The following XKRX variants were observed in gnomAD, a reference collection of about 807,000 sequenced individuals.
The protein encoded by XKRX is XK related X-linked.
In XKRX, 11 loss-of-function variants were observed where a neutral mutation model predicts 22.4. That is an observed-to-expected ratio of 0.49 (90% CI 0.31 to 0.81). The LOEUF (loss-of-function observed/expected upper bound fraction) is 0.81, where lower values mean the gene tolerates loss of function less well. Among genes scored for constraint, XKRX ranks in the 40% least tolerant of loss-of-function variants. The probability of loss-of-function intolerance (pLI) is 0.05; values close to 1 mark genes in which losing one functional copy is unlikely to be tolerated. For synonymous variants in XKRX, 114 were observed against 132.2 expected (o/e 0.86, Z 0.94); for missense variants, 320 against 336.5 (o/e 0.95, Z 0.38).
intron 2 of XKRX, among the ~76,000 whole-genome samples, chrX:100,920,927 A>AT (rs1209197625): frequency 9.3e-6 from 1 of 107,357 alleles, no homozygotes; most frequent in Non-Finnish European, 1.9e-5. Flanking sequence ...GCCTGGCTGA[A>AT]TTTTTTTTTG....
At chrX:100,942,829 T>C in the XKRX span, among the ~76,000 whole-genome samples, 1 of 111,259 alleles carries the variant, frequency 9.0e-6, no homozygotes, top group African/African-American at 3.3e-5. Flanking sequence ...ACTGATACCC[T>C]TAATCAGGTG....
downstream of XKRX, among the ~76,000 whole-genome samples, chrX:100,912,474 GCTA>G (rs779185667): frequency 1.8e-5 from 2 of 112,061 alleles, no homozygotes; most frequent in South Asian, 7.5e-4. Flanking sequence ...TAACAGCCCT[GCTA>G]CTTAGAAGAG....
chrX:100,933,085 G>A (rs1431628458), upstream of XKRX, among the ~76,000 whole-genome samples: 2 of 109,404 alleles, frequency 1.8e-5, no homozygotes, highest in East Asian at 2.8e-4. Flanking sequence ...GGGGAGGATC[G>A]CTTGAGCCCG....
chrX:100,904,257 T>A, the XKRX span, among the ~76,000 whole-genome samples: 1 of 110,920 alleles, frequency 9.0e-6, no homozygotes, highest in South Asian at 3.7e-4. Flanking sequence ...CAAATAATAC[T>A]GGAATAACCA....
At chrX:100,956,886 C>T in the XKRX span, 9 of 921,132 alleles carry the variant, frequency 9.8e-6, no homozygotes, top group African/African-American at 1.9e-4. Context: ...TAGAATTTGT[C>T]ACAAGTGAGT....
intron 1 of XKRX, among the ~76,000 whole-genome samples, chrX:100,925,942 T>A (rs2085495851): frequency 9.0e-6 from 1 of 111,676 alleles, no homozygotes; most frequent in African/African-American, 3.3e-5. Flanking sequence ...CTTGGGAGCA[T>A]CTCCCGAAAA....
chrX:100,920,221 TAGG>T (rs780511781), intron 2 of XKRX, among the ~76,000 whole-genome samples: 1 of 98,327 alleles, frequency 1.0e-5, no homozygotes, highest in African/African-American at 4.2e-5. Context: ...AATAGAAAAT[TAGG>T]AGAATAAAAA....
At chrX:100,904,913 A>G in the XKRX span, among the ~76,000 whole-genome samples, 2 of 112,214 alleles carry the variant, frequency 1.8e-5, no homozygotes, top group Admixed American at 9.5e-5. Context: ...CATATAGAGA[A>G]GGCTAAACCA....
rs772818112 is a variant in XKRX, at chrX:100,922,946, C to T, written c.451G>A (p.Glu151Lys). 8.3e-7 allele frequency: 1 copy of T among 1,211,766 alleles called. No individual in the cohort carries two copies. The highest frequency in any genetic ancestry group is 1.1e-6 in the Non-Finnish European group (1 of 895,522). Residue 151 changes from glutamate (E) to lysine (K), a missense_variant, in exon 2 of 3, where the codon GAA becomes AAA. Glu to Lys is a moderately conservative substitution (Grantham distance 56, BLOSUM62 1). Transcript: ENST00000372956. The part of the protein sequence containing the change: ...MLIDGEEVLI[E>K]WEVGHSIRTL... ...CGGATGGAGTGGCCCACCTCCCATTCTATCAGCACCTCCTCGCCATCTATT... is the reference window on the plus strand; with the variant it reads ...CGGATGGAGTGGCCCACCTCCCATTTTATCAGCACCTCCTCGCCATCTATT...
chrX:100,928,053 G>T lies in XKRX; in HGVS notation c.252C>A (p.Thr84=), dbSNP rs767907044. 4 of 1,208,400 alleles carry T rather than the reference G, an allele frequency of 3.3e-6. No individual in the cohort carries two copies. The Admixed American group carries it at 8.8e-5, about 27-fold the overall frequency. The change falls in exon 1 of 3, where the codon ACC becomes ACA. Residue 84 remains threonine, a synonymous_variant. Transcript: ENST00000372956. ...FMFSSIMVQL[T]LIFVHRDLAK... ...CTAGATCTCTGTGGACAAAAATGAG[G>T]GTCAACTGGACCATAATGGATGAAA...
downstream of XKRX, chrX:100,910,698 T>C: frequency 1.9e-6 from 1 of 514,232 alleles, no homozygotes; most frequent in Admixed American, 3.4e-5. Flanking sequence ...CTGGCAACTC[T>C]GCGGCCTTCA....
At chrX:100,917,682 G>GAAAGAAAGAAAGA (rs1569454757) in intron 2 of XKRX, among the ~76,000 whole-genome samples, 17 of 85,664 alleles carry the variant, frequency 2.0e-4, no homozygotes, top group African/African-American at 8.1e-4. Flanking sequence ...AGAAAAGAAA[G>GAAAGAAAGAAAGA]AAAGAAAGAA....
the XKRX span, among the ~76,000 whole-genome samples, chrX:100,886,942 T>C: frequency 3.6e-5 from 4 of 112,518 alleles, no homozygotes; most frequent in Admixed American, 2.8e-4. Context: ...AATTAAATTG[T>C]TTATTGATTA....
intron 2 of XKRX, among the ~76,000 whole-genome samples, chrX:100,918,783 T>G (rs2085457628): frequency 9.0e-6 from 1 of 111,510 alleles, no homozygotes; most frequent in Non-Finnish European, 1.9e-5. Context: ...TTCTTCTTCT[T>G]CCTTCTTCCC....
chrX:100,929,331 G>C (rs2085512783), upstream of XKRX: 1 of 111,866 alleles, frequency 8.9e-6, no homozygotes, highest in African/African-American at 3.3e-5. Context: ...GCGGCCAGCC[G>C]AGGGATGCTC....
At position 100,914,373 on chromosome X, in the gene XKRX, G is replaced by A. The variant is rs1322241488; in HGVS notation, c.1315C>T (p.Pro439Ser). Residue 439 changes from proline (P) to serine (S), a missense_variant, in exon 3 of 3, where the codon CCC (proline) becomes TCC (serine). Transcript: ENST00000372956. ...PRTRVENSEP[P>S]FETEARQSVV ...CTTTGCCTTGCTTCAGTCTCAAAGG[G>A]TGGCTCTGAGTTCTCAACCCTGGTC... 1 of 1,211,556 alleles carries A rather than the reference G, an allele frequency of 8.3e-7. No homozygotes were observed. The highest frequency in any genetic ancestry group is 2.2e-5 in the Admixed American group (1 of 46,011).
At chrX:100,957,953 A>G in the XKRX span, among the ~76,000 whole-genome samples, 1 of 111,305 alleles carries the variant, frequency 9.0e-6, no homozygotes, top group Admixed American at 9.6e-5. Context: ...GTGTGTGGAC[A>G]GGTATCTTCA....
At chrX:100,897,726 A>G in the XKRX span, among the ~76,000 whole-genome samples, 6 of 101,774 alleles carry the variant, frequency 5.9e-5, no homozygotes, top group Non-Finnish European at 4.0e-5. Flanking sequence ...TTTAGCACCC[A>G]GCCTTTGGTC....
Position 100,928,790 on chromosome X carries a change from G to C in XKRX, c.-486C>G, listed in dbSNP as rs2085509670. The C allele has an allele frequency of 1.3e-6, 1 of 757,908 alleles. No homozygotes were observed. Among genetic ancestry groups the C allele is most frequent in the African/African-American group, 2.3e-5 (1 of 43,918 alleles). The allele number at this position is 757,908 out of a possible 1,213,427, so 62.5% of individuals were successfully genotyped here. A position where few individuals can be genotyped will look rare whatever the true frequency, so the allele number is the denominator to read the frequency against. Reference sequence around the variant, plus strand: ...CTCAAGTCAGCGGAGAGCTGAGCCAGGGCAGAAGAGCGGGCGCAGAAGAAG... The same window carrying C: ...CTCAAGTCAGCGGAGAGCTGAGCCACGGCAGAAGAGCGGGCGCAGAAGAAG... On this transcript the variant is annotated 5_prime_UTR_variant, in exon 1 of 3. Coordinates refer to ENST00000372956, the MANE Select transcript of XKRX (RefSeq NM_212559.3).
Sources: gnomAD v4.1 joint callset for allele counts (sites outside exome capture counted in the v4.1 genomes callset) on GRCh38, gnomAD v4.1.1 for gene constraint, MANE v1.5 for transcripts, NCBI Gene and HGNC (gene_info 2026-07-23, HGNC 2026-07-21) for gene names.